The following HS3ST2 variants were observed in gnomAD, a reference collection of about 807,000 sequenced individuals.
HS3ST2 encodes heparan sulfate-glucosamine 3-sulfotransferase 2.
HS3ST2 carries 17 observed loss-of-function variants against 26.3 expected under a neutral mutation model. That is an observed-to-expected ratio of 0.65 (90% CI 0.44 to 0.97). HS3ST2 has a LOEUF of 0.97. Ranked by LOEUF, HS3ST2 falls within the 50% of genes least tolerant of loss-of-function variation. The pLI is 0.00. For synonymous variants in HS3ST2, 237 were observed against 219.2 expected (o/e 1.08, Z -0.72); for missense variants, 402 against 501.2 (o/e 0.80, Z 1.89).
intron 1 of HS3ST2, among the ~76,000 whole-genome samples, chr16:22,885,541 C>T (rs770788679): frequency 2.0e-5 from 3 of 151,516 alleles, no homozygotes; most frequent in African/African-American, 2.4e-5. Context: ...CGGCAACCTC[C>T]GCCTCCTGGG....
chr16:22,878,858 G>GT (rs942803830), intron 1 of HS3ST2, among the ~76,000 whole-genome samples: 2 of 152,136 alleles, frequency 1.3e-5, no homozygotes, highest in Non-Finnish European at 2.9e-5. Flanking sequence ...AGGCCCTGGG[G>GT]TAGGCGGGTG....
At chr16:22,874,948 C>T (rs1398226413) in intron 1 of HS3ST2, among the ~76,000 whole-genome samples, 29 of 152,132 alleles carry the variant, frequency 1.9e-4, no homozygotes, top group Non-Finnish European at 1.0e-4. Context: ...CAAGGCTGCA[C>T]GAATGTGTCC....
intron 1 of HS3ST2, among the ~76,000 whole-genome samples, chr16:22,874,043 C>T (rs989968491): frequency 6.6e-6 from 1 of 152,162 alleles, no homozygotes; most frequent in Non-Finnish European, 1.5e-5. Flanking sequence ...GCCATGTTTG[C>T]GACTATCCTG....
chr16:22,901,897 GT>G (rs35409090), intron 1 of HS3ST2, among the ~76,000 whole-genome samples: 11 of 151,954 alleles, frequency 7.2e-5, no homozygotes, highest in South Asian at 4.2e-4. Context: ...TCATTAGATA[GT>G]TTTTTTTAAA....
At chr16:22,851,325 T>C (rs1361386312) in intron 1 of HS3ST2, among the ~76,000 whole-genome samples, 1 of 152,252 alleles carries the variant, frequency 6.6e-6, no homozygotes, top group Non-Finnish European at 1.5e-5. Context: ...TGTAATTTAA[T>C]GCTCACATCA....
chr16:22,915,473 C>T lies in HS3ST2; in HGVS notation c.1015C>T (p.Pro339Ser), dbSNP rs17725080. The T allele has an allele frequency of 6.2e-7, 1 of 1,613,436 alleles. No homozygotes were observed. Among genetic ancestry groups the T allele is most frequent in the South Asian group, 1.1e-5 (1 of 91,026 alleles). Residue 339 changes from proline to serine, a missense_variant, in exon 2 of 2, where the codon CCT becomes TCT. This residue lies in a region of HS3ST2 where 237 missense variants were observed against 346.6 expected (regional missense o/e 0.68). Transcript: ENST00000261374. ...SKGRTHVQID[P>S]EVIDQLREFY... Reference sequence around the variant, plus strand: ...AGGGAGAACTCATGTACAGATTGATCCTGAAGTGATAGACCAGCTCCGAGA... The same window carrying T: ...AGGGAGAACTCATGTACAGATTGATTCTGAAGTGATAGACCAGCTCCGAGA...
At chr16:22,900,828 G>A (rs568071634) in intron 1 of HS3ST2, among the ~76,000 whole-genome samples, 2 of 152,254 alleles carry the variant, frequency 1.3e-5, no homozygotes, top group South Asian at 4.2e-4. Flanking sequence ...GGAGAGTACC[G>A]CTTCAGAAGA....
intron 1 of HS3ST2, among the ~76,000 whole-genome samples, chr16:22,837,120 T>TTG (rs768479614): frequency 0.012 from 11 of 906 alleles, no homozygotes; most frequent in African/African-American, 0.017. Context: ...GCCTATACAG[T>TTG]TTTTTTTTTT....
At chr16:22,830,603 G>T (rs1161793857) in intron 1 of HS3ST2, among the ~76,000 whole-genome samples, 1 of 152,190 alleles carries the variant, frequency 6.6e-6, no homozygotes, top group Non-Finnish European at 1.5e-5. Flanking sequence ...ATGGAGGTTT[G>T]TTGGGATTGG....
chr16:22,902,507 A>G (rs1902293006), intron 1 of HS3ST2, among the ~76,000 whole-genome samples: 1 of 152,224 alleles, frequency 6.6e-6, no homozygotes, highest in Non-Finnish European at 1.5e-5. Flanking sequence ...AACTGCAAAT[A>G]CTGCAATGAA....
intron 1 of HS3ST2, among the ~76,000 whole-genome samples, chr16:22,842,200 T>A (rs1456120436): frequency 6.6e-6 from 1 of 151,744 alleles, no homozygotes; most frequent in Non-Finnish European, 1.5e-5. Flanking sequence ...TAGCTGGGAC[T>A]AAAGGCATGT....
chr16:22,829,870 G>A (rs1389238153), intron 1 of HS3ST2, among the ~76,000 whole-genome samples: 4 of 152,204 alleles, frequency 2.6e-5, no homozygotes, highest in African/African-American at 7.2e-5. Context: ...GTTTGAAGGA[G>A]GTGTAATAAT....
At chr16:22,858,885 G>T (rs1901639026) in intron 1 of HS3ST2, among the ~76,000 whole-genome samples, 1 of 152,190 alleles carries the variant, frequency 6.6e-6, no homozygotes, top group South Asian at 2.1e-4. Flanking sequence ...ACCACTTTGG[G>T]CCAGGTGCAG....
intron 1 of HS3ST2, among the ~76,000 whole-genome samples, chr16:22,896,965 G>A (rs1376857512): frequency 5.3e-5 from 8 of 152,028 alleles, no homozygotes; most frequent in Middle Eastern, 3.4e-3. Context: ...ATACCACCAT[G>A]CCTGGCTAAT....
rs76498256 is a variant in HS3ST2 at position 22,830,948 on chromosome 16, A to G, written c.485+15853A>G. Among the ~76,000 whole-genome samples, 1,111 of 152,384 alleles carry G rather than the reference A, an allele frequency of 7.3e-3. 12 individuals are homozygous for G. The highest frequency in any genetic ancestry group is 0.012 in the Non-Finnish European group (802 of 68,040). Reference sequence around the variant, plus strand: ...AGGCTCCTCAACTCTTGCCAGAAATAGAATGTAGTCATAAAATGAATGCAG... The same window carrying G: ...AGGCTCCTCAACTCTTGCCAGAAATGGAATGTAGTCATAAAATGAATGCAG... On this transcript the variant is annotated intron_variant, in intron 1 of 1. Coordinates refer to ENST00000261374, the MANE Select transcript of HS3ST2 (RefSeq NM_006043.2).
intron 1 of HS3ST2, among the ~76,000 whole-genome samples, chr16:22,835,064 G>T (rs146664431): frequency 4.6e-5 from 7 of 152,034 alleles, no homozygotes; most frequent in Non-Finnish European, 1.0e-4. Flanking sequence ...GCTGAATTTG[G>T]CTTGGTTCTA....
chr16:22,837,080 A>G (rs1596609015), intron 1 of HS3ST2, among the ~76,000 whole-genome samples: 1 of 149,728 alleles, frequency 6.7e-6, no homozygotes, highest in East Asian at 2.0e-4. Context: ...TTGTTGGCAA[A>G]CTGTTTTGTT....
chr16:22,851,500 C>A (rs1901517550), intron 1 of HS3ST2, among the ~76,000 whole-genome samples: 1 of 152,122 alleles, frequency 6.6e-6, no homozygotes, highest in Admixed American at 6.5e-5. Context: ...TTCTCCATTG[C>A]AGCCCAGCTG....
chr16:22,889,906 A>G (rs1450717729), intron 1 of HS3ST2, among the ~76,000 whole-genome samples: 1 of 152,192 alleles, frequency 6.6e-6, no homozygotes, highest in Non-Finnish European at 1.5e-5. Context: ...TGACAAAAAT[A>G]TTTTTTAAAA....
Sources: gnomAD v4.1 joint callset for allele counts (sites outside exome capture counted in the v4.1 genomes callset) on GRCh38, gnomAD v4.1.1 for gene constraint, gnomAD v4.1.1 regional missense constraint, MANE v1.5 for transcripts, NCBI Gene and HGNC (gene_info 2026-07-23, HGNC 2026-07-21) for gene names.